The following KIAA1958 variants were observed in gnomAD, a reference collection of about 807,000 sequenced individuals.
KIAA1958 encodes the protein uncharacterized protein KIAA1958.
KIAA1958 carries 14 observed loss-of-function variants against 47.2 expected under a neutral mutation model. The ratio of observed to expected loss-of-function variants is 0.30; its 90% CI spans 0.20 to 0.46. The LOEUF is 0.46. KIAA1958 is among the 20% of genes least tolerant of loss of function. The pLI is 1.00. For missense variants in KIAA1958, 803 were observed against 909.2 expected, an observed-to-expected ratio of 0.88 and a Z score of 1.50; for synonymous variants, 354 against 353.3, an observed-to-expected ratio of 1.00 and a Z score of -0.02.
intron 2 of KIAA1958, among the ~76,000 whole-genome samples, chr9:112,644,554 T>G (rs1465133694): frequency 6.6e-6 from 1 of 151,014 alleles, no homozygotes; most frequent in African/African-American, 2.4e-5. Flanking sequence ...AGCCTGGTTT[T>G]AGCAGATCAC....
Position 112,584,033 on chromosome 9 carries a change from G to T in KIAA1958, c.1171+8782G>T, listed in dbSNP as rs183560747. On this transcript the variant is annotated intron_variant, in intron 2 of 3. Transcript: ENST00000337530. ...GTGAGCTATGATTGTGCCACTGCAC[G>T]CCAGCCTGAACAACAGCAAGACCCA... Among the ~76,000 whole-genome samples the T allele has an allele frequency of 7.0e-4, 107 of 152,054 alleles. 1 individual carries two copies. The highest frequency in any genetic ancestry group is 2.5e-3 in the African/African-American group (105 of 41,454).
At chr9:112,591,455 A>C (rs1255958797) in intron 2 of KIAA1958, among the ~76,000 whole-genome samples, 1 of 152,156 alleles carries the variant, frequency 6.6e-6, no homozygotes, top group Admixed American at 6.6e-5. Flanking sequence ...TATAAGAAAA[A>C]ATAATTTTGC....
At chr9:112,510,582 G>A (rs1272111757) in intron 1 of KIAA1958, among the ~76,000 whole-genome samples, 2 of 152,104 alleles carry the variant, frequency 1.3e-5, no homozygotes, top group Non-Finnish European at 2.9e-5. Context: ...AGATAAATGG[G>A]TTACATATAC....
intron 1 of KIAA1958, among the ~76,000 whole-genome samples, chr9:112,521,454 C>G (rs1444972274): frequency 6.6e-6 from 1 of 152,138 alleles, no homozygotes; most frequent in East Asian, 1.9e-4. Context: ...ATTCAAGTGA[C>G]CCTCCCACGT....
chr9:112,549,610 G>A lies in KIAA1958; in HGVS notation c.-24-24447G>A, dbSNP rs1474851005. On this transcript the variant is annotated intron_variant, in intron 1 of 3. Transcript: ENST00000337530. ...AAACCATAAGCCTTCTGCTGAAGGA[G>A]CTAATACTCTGGTAGGGGTAGACAT... Among the ~76,000 whole-genome samples, 5 of 152,198 alleles carry A rather than the reference G, an allele frequency of 3.3e-5. No homozygotes were observed. The East Asian group carries it at 9.6e-4, about 29-fold the overall frequency.
intron 1 of KIAA1958, among the ~76,000 whole-genome samples, chr9:112,512,837 T>C (rs1834344871): frequency 6.6e-6 from 1 of 151,274 alleles, no homozygotes; most frequent in Non-Finnish European, 1.5e-5. Flanking sequence ...GTGTTTTTTT[T>C]GTTTTGATTT....
At chr9:112,645,994 T>C (rs541333378) in intron 3 of KIAA1958, among the ~76,000 whole-genome samples, 172 bp downstream of exon 3, 1 of 152,204 alleles carries the variant, frequency 6.6e-6, no homozygotes, top group Non-Finnish European at 1.5e-5. Flanking sequence ...AACAAGCGTT[T>C]TATGAATTTA....
At position 112,659,687 on chromosome 9, in the gene KIAA1958, A is replaced by G. The variant is rs143861651; in HGVS notation, c.1769A>G (p.Gln590Arg). ...GACATCGAGCTGCTCAAAGACCCCC[A>G]AAACCAGCCCTACTTTGCCCGGACG... ...YGDIELLKDPQNQPYFARTDS... is the reference protein window; with the variant it reads ...YGDIELLKDPRNQPYFARTDS... The change falls in exon 4 of 4, where the codon CAA becomes CGA. Residue 590 changes from glutamine (Q) to arginine (R), a missense_variant. Physicochemically the swap from Gln to Arg is conservative, Grantham distance 43. Coordinates refer to ENST00000337530, the MANE Select transcript of KIAA1958 (RefSeq NM_133465.4). 1.9e-6 allele frequency: 3 copies of G among 1,614,018 alleles called. No individual in the cohort carries two copies. The African/African-American group carries it at 4.0e-5, about 22-fold the overall frequency.
intron 1 of KIAA1958, among the ~76,000 whole-genome samples, chr9:112,544,531 A>G (rs1257856551): frequency 1.5e-5 from 2 of 136,120 alleles, no homozygotes; most frequent in Admixed American, 7.8e-5. Context: ...TAAATAAGTC[A>G]GGATTGGTGA....
At chr9:112,525,081 T>G (rs1331772925) in intron 1 of KIAA1958, among the ~76,000 whole-genome samples, 1 of 152,230 alleles carries the variant, frequency 6.6e-6, no homozygotes. Flanking sequence ...ACCAGTTGAT[T>G]TACCATCTTT....
intron 1 of KIAA1958, among the ~76,000 whole-genome samples, chr9:112,544,546 A>C (rs1386699340): frequency 1.3e-5 from 1 of 76,394 alleles, no homozygotes; most frequent in East Asian, 3.4e-4. Context: ...TGGTGAAGGG[A>C]CTTGCTCAAA....
chr9:112,552,675 A>G (rs552694660), intron 1 of KIAA1958, among the ~76,000 whole-genome samples: 3 of 152,244 alleles, frequency 2.0e-5, no homozygotes, highest in South Asian at 4.1e-4. Context: ...AACAAGGAAA[A>G]CGCTCCTCTT....
At chr9:112,551,810 T>C (rs1258919210) in intron 1 of KIAA1958, among the ~76,000 whole-genome samples, 1 of 152,246 alleles carries the variant, frequency 6.6e-6, no homozygotes. Flanking sequence ...CCACAGTTGC[T>C]GTCTGATCTA....
rs1837103260 is a variant in KIAA1958 at position 112,653,865 on chromosome 9, A to C, written c.1345-5398A>C. On this transcript the variant is annotated intron_variant, in intron 3 of 3. Coordinates refer to ENST00000337530, the MANE Select transcript of KIAA1958 (RefSeq NM_133465.4). The stretch of plus-strand genomic sequence containing the variant: ...CAGTGAGCCATGATCATGCCACTGC[A>C]CTCCAGCCTGGGCGACAGAGTGAGA... Among the ~76,000 whole-genome samples, 6 of 152,114 alleles carry C rather than the reference A, an allele frequency of 3.9e-5. No individual in the cohort carries two copies. The South Asian group carries it at 1.2e-3, about 31-fold the overall frequency.
intron 1 of KIAA1958, among the ~76,000 whole-genome samples, chr9:112,522,307 C>T (rs1364039547): frequency 2.0e-5 from 3 of 152,206 alleles, no homozygotes; most frequent in Admixed American, 1.3e-4. Context: ...TGTAGACCAC[C>T]TTTGCTATCC....
intron 1 of KIAA1958, among the ~76,000 whole-genome samples, chr9:112,496,345 T>A (rs1274191848): frequency 1.3e-5 from 2 of 152,158 alleles, no homozygotes; most frequent in African/African-American, 4.8e-5. Context: ...TGCCTGCATG[T>A]ATAGAAAGTC....
intron 1 of KIAA1958, among the ~76,000 whole-genome samples, chr9:112,495,551 C>T (rs1046656398): frequency 1.3e-5 from 2 of 152,208 alleles, no homozygotes; most frequent in Admixed American, 6.5e-5. Context: ...TGAAATTCTC[C>T]TGCACTGCTA....
chr9:112,639,441 C>T (rs1014033850), intron 2 of KIAA1958, among the ~76,000 whole-genome samples: 3 of 152,144 alleles, frequency 2.0e-5, no homozygotes, highest in East Asian at 1.9e-4. Context: ...CACCCTCCTA[C>T]ATGGAAGCCT....
intron 2 of KIAA1958, among the ~76,000 whole-genome samples, chr9:112,607,835 T>C (rs377685820): frequency 1.3e-5 from 2 of 150,744 alleles, no homozygotes; most frequent in African/African-American, 2.4e-5. Flanking sequence ...TAAGACAACA[T>C]TGAGTTCTAA....
Sources: gnomAD v4.1 joint callset for allele counts (sites outside exome capture counted in the v4.1 genomes callset) on GRCh38, gnomAD v4.1.1 for gene constraint, MANE v1.5 for transcripts, NCBI Gene and HGNC (gene_info 2026-07-23, HGNC 2026-07-21) for gene names.